Variants in IQSEC1 observed in about 807,000 individuals in gnomAD.
IQSEC1 encodes IQ motif and Sec7 domain ArfGEF 1.
IQSEC1 carries 31 observed loss-of-function variants against 91.0 expected under a neutral mutation model. The ratio of observed to expected loss-of-function variants is 0.34; its 90% confidence interval spans 0.26 to 0.46. IQSEC1 has a LOEUF of 0.46. Ranked by LOEUF, IQSEC1 falls within the 20% of genes least tolerant of loss-of-function variation. IQSEC1 has a pLI of 1.00. For missense variants in IQSEC1, 1,388 were observed against 1,575.6 expected, an observed-to-expected ratio of 0.88 and a Z score of 2.02; for synonymous variants, 699 against 662.6, an observed-to-expected ratio of 1.05 and a Z score of -0.84.
At chr3:12,904,678 T>C (rs1211378105) in intron 12 of IQSEC1, among the ~76,000 whole-genome samples, 1 of 152,098 alleles carries the variant, frequency 6.6e-6, no homozygotes, top group Non-Finnish European at 1.5e-5. Context: ...AGAGCGCCAA[T>C]GTCTCTAGGT....
chr3:13,271,632 C>T (rs1255083845), intron 1 of IQSEC1, among the ~76,000 whole-genome samples: 1 of 151,628 alleles, frequency 6.6e-6, no homozygotes. Context: ...ACCATCTCTA[C>T]AAAAATTTTA....
rs1695300384 is a variant in IQSEC1, at chr3:12,909,026, C to T, written c.2578+247G>A. Reference sequence around the variant, plus strand: ...TGCGGGCTCTTGCGCACGGGATGACCAGAGAGCCAGGGTCTTTTGATGGAC... The same window carrying T: ...TGCGGGCTCTTGCGCACGGGATGACTAGAGAGCCAGGGTCTTTTGATGGAC... On this transcript the variant is annotated intron_variant, in intron 11 of 13. Coordinates refer to ENST00000613206, the MANE Select transcript of IQSEC1 (RefSeq NM_001134382.3). The surrounding 1 kb of genome is among the most constrained non-coding windows in gnomAD (Gnocchi z 4.9). Among the ~76,000 whole-genome samples, 2 of 152,146 alleles carry T rather than the reference C, an allele frequency of 1.3e-5. No individual in the cohort carries two copies. Among genetic ancestry groups the T allele is most frequent in the Non-Finnish European group, 2.9e-5 (2 of 68,028 alleles).
chr3:13,047,349 G>A (rs1704535111), intron 1 of IQSEC1: 2 of 299,164 alleles, frequency 6.7e-6, no homozygotes, highest in Non-Finnish European at 9.9e-6. Flanking sequence ...GCCCTTGGGG[G>A]AATTTCAGGG....
intron 1 of IQSEC1, among the ~76,000 whole-genome samples, chr3:13,192,337 CAA>C (rs540610255): frequency 0.15 from 14,148 of 94,776 alleles, 1,419 homozygotes; most frequent in African/African-American, 0.34. Context: ...GACTCTGTCT[CAA>C]AAAAAAAAAA....
intron 2 of IQSEC1, among the ~76,000 whole-genome samples, chr3:13,117,437 T>G (rs1706353561): frequency 1.3e-5 from 2 of 149,362 alleles, no homozygotes; most frequent in African/African-American, 5.0e-5. Context: ...ATACGAAAAA[T>G]TAACCGGGCG....
intron 1 of IQSEC1, among the ~76,000 whole-genome samples, chr3:13,037,724 C>A (rs575293796): frequency 1.3e-5 from 2 of 152,106 alleles, no homozygotes; most frequent in Non-Finnish European, 2.9e-5. Context: ...CATGGATGAA[C>A]CTTGAGGCCA....
chr3:13,230,823 T>C (rs1694828345), intron 1 of IQSEC1, among the ~76,000 whole-genome samples: 1 of 152,212 alleles, frequency 6.6e-6, no homozygotes, highest in Non-Finnish European at 1.5e-5. Context: ...AAGAAGACCA[T>C]GGTGTTGGCT....
At chr3:13,227,663 G>A (rs144040947) in intron 1 of IQSEC1, among the ~76,000 whole-genome samples, 240 of 152,266 alleles carry the variant, frequency 1.6e-3, no homozygotes, top group African/African-American at 5.3e-3. Flanking sequence ...GCTACAACCA[G>A]GAGAGAGCTG....
chr3:13,154,438 CATATATATAT>C (rs774589168), intron 2 of IQSEC1, among the ~76,000 whole-genome samples: 625 of 20,764 alleles, frequency 0.03, 89 homozygotes, highest in Middle Eastern at 0.079. Context: ...AACTTACATG[CATATATATAT>C]ATATATATAT....
Position 12,912,430 on chromosome 3 carries a change from C to T in IQSEC1, c.2317-702G>A, listed in dbSNP as rs745716. Among the ~76,000 whole-genome samples, 37 of 152,268 alleles carry T rather than the reference C, an allele frequency of 2.4e-4. No homozygotes were observed. The South Asian group carries it at 6.2e-3, about 26-fold the overall frequency. ...TGAGGCTCAGAGATGTGAAGGGATT[C>T]GCTCAAGGTCAGGAGTTCTTCATAA... On this transcript the variant is annotated intron_variant, in intron 9 of 13. Coordinates refer to ENST00000613206, the MANE Select transcript of IQSEC1 (RefSeq NM_001134382.3).
chr3:12,932,788 A>C (rs1575954755), intron 3 of IQSEC1, among the ~76,000 whole-genome samples: 1 of 151,570 alleles, frequency 6.6e-6, no homozygotes, highest in Non-Finnish European at 1.5e-5. Context: ...TGGCTCCTGC[A>C]CCCCTGCCCT....
At chr3:13,093,655 A>C (rs367543917) in intron 2 of IQSEC1, among the ~76,000 whole-genome samples, 14 of 152,270 alleles carry the variant, frequency 9.2e-5, no homozygotes, top group African/African-American at 3.1e-4. Flanking sequence ...CAAACCCTGG[A>C]CAAGGGGACA....
At chr3:12,996,591 C>T (rs1702235409) in intron 1 of IQSEC1, among the ~76,000 whole-genome samples, 1 of 151,796 alleles carries the variant, frequency 6.6e-6, no homozygotes, top group Admixed American at 6.6e-5. Context: ...ATACCATAAA[C>T]AAAGTAAAAA....
intron 1 of IQSEC1, among the ~76,000 whole-genome samples, chr3:12,986,463 C>T (rs1701740186): frequency 1.3e-5 from 2 of 152,224 alleles, no homozygotes; most frequent in East Asian, 1.9e-4. Context: ...TCAGTTTCCT[C>T]ATCTATGAAA....
At chr3:12,948,688 C>T (rs533812528) in intron 1 of IQSEC1, among the ~76,000 whole-genome samples, 43 of 152,246 alleles carry the variant, frequency 2.8e-4, no homozygotes, top group African/African-American at 1.0e-3. Flanking sequence ...AAGCAGTGAC[C>T]CACTGTTCAC....
At chr3:13,220,011 C>T (rs1694627797) in intron 1 of IQSEC1, among the ~76,000 whole-genome samples, 1 of 152,274 alleles carries the variant, frequency 6.6e-6, no homozygotes, top group African/African-American at 2.4e-5. Context: ...CAGCCCCAGT[C>T]CTGGGAACCG....
chr3:12,967,339 C>T lies in IQSEC1; in HGVS notation c.24-25474G>A, dbSNP rs946506586. On this transcript the variant is annotated intron_variant, in intron 1 of 13. Transcript: ENST00000613206. The surrounding 1 kb of genome is among the most constrained non-coding windows in gnomAD (Gnocchi z 5.9). ...GGCATCCCCACAGCCTGCGCCAGCCCACCGCTCAGCACCCGGGAAGGCCGC... is the reference window on the plus strand; with the variant it reads ...GGCATCCCCACAGCCTGCGCCAGCCTACCGCTCAGCACCCGGGAAGGCCGC... 3.4e-6 allele frequency: 5 copies of T among 1,483,512 alleles called. No homozygotes were observed. The highest frequency in any genetic ancestry group is 4.5e-6 in the Non-Finnish European group (5 of 1,104,394). 91.9% of individuals were successfully genotyped at this position (1,483,512 alleles called of 1,614,324 possible). A position where few individuals can be genotyped will look rare whatever the true frequency, so the allele number is the denominator to read the frequency against.
At chr3:13,128,507 C>T (rs916587154) in intron 2 of IQSEC1, among the ~76,000 whole-genome samples, 1 of 152,142 alleles carries the variant, frequency 6.6e-6, no homozygotes, top group African/African-American at 2.4e-5. Flanking sequence ...GGAATAAATC[C>T]CACTTAGTTG....
Position 12,983,515 on chromosome 3 carries a change from C to G in IQSEC1, c.24-41650G>C, listed in dbSNP as rs1701570746. ...ACCCTGCTGGAGAACTGCAGCCTGG[C>G]CTTCCTAGCCCCGAGACAGAGCGGC... On this transcript the variant is annotated intron_variant, in intron 1 of 13. Coordinates refer to ENST00000613206, the MANE Select transcript of IQSEC1 (RefSeq NM_001134382.3). The surrounding 1 kb of genome is among the most constrained non-coding windows in gnomAD (Gnocchi z 4.3). Among the ~76,000 whole-genome samples, 1 of 152,160 alleles carries G rather than the reference C, an allele frequency of 6.6e-6. No individual in the cohort carries two copies. The highest frequency in any genetic ancestry group is 2.4e-5 in the African/African-American group (1 of 41,424).
Sources: gnomAD v4.1 joint callset for allele counts (sites outside exome capture counted in the v4.1 genomes callset) on GRCh38, gnomAD v4.1.1 for gene constraint, Gnocchi (gnomAD v3.1) non-coding constraint, MANE v1.5 for transcripts, NCBI Gene and HGNC (gene_info 2026-07-23, HGNC 2026-07-21) for gene names.